The following DLG2 variants were observed in gnomAD, a reference collection of about 807,000 sequenced individuals.
The protein encoded by DLG2 is disks large homolog 2.
DLG2 carries 45 observed loss-of-function variants against 132.5 expected under a neutral mutation model. The ratio of observed to expected loss-of-function variants is 0.34; its 90% CI spans 0.27 to 0.44. The LOEUF (loss-of-function observed/expected upper bound fraction) is 0.44, where lower values mean the gene tolerates loss of function less well. Ranked by LOEUF, DLG2 falls within the 20% of genes least tolerant of loss-of-function variation. The probability of loss-of-function intolerance (pLI) is 1.00; values close to 1 mark genes in which losing one functional copy is unlikely to be tolerated. For synonymous variants in DLG2, 424 were observed against 419.6 expected (o/e 1.01, Z -0.13); for missense variants, 1,045 against 1,196.9 (o/e 0.87, Z 1.87).
At chr11:84,943,982 CTTCATGTTTGAAGGA>C (rs1453610266) in intron 6 of DLG2, among the ~76,000 whole-genome samples, 1 of 151,966 alleles carries the variant, frequency 6.6e-6, no homozygotes, top group African/African-American at 2.4e-5. Flanking sequence ...TTCATTTCTC[CTTCATGTTTGAAGGA>C]TATTTTCACT....
intron 18 of DLG2, among the ~76,000 whole-genome samples, chr11:83,774,118 G>C (rs1349532787): frequency 6.6e-6 from 1 of 152,122 alleles, no homozygotes; most frequent in Non-Finnish European, 1.5e-5. Context: ...CCCTCTGCCA[G>C]ACCCCAGGAC....
At chr11:83,936,730 G>A (rs1225372573) in intron 14 of DLG2, among the ~76,000 whole-genome samples, 2 of 152,128 alleles carry the variant, frequency 1.3e-5, no homozygotes, top group Non-Finnish European at 2.9e-5. Flanking sequence ...ACAAAATTAG[G>A]CTCTCTCACG....
chr11:84,129,371 C>T (rs35725178), intron 9 of DLG2, among the ~76,000 whole-genome samples: 1 of 152,022 alleles, frequency 6.6e-6, no homozygotes, highest in Non-Finnish European at 1.5e-5. Flanking sequence ...CTTGAATTTT[C>T]CAGGGTGATC....
chr11:83,510,623 G>A (rs2094957528), intron 21 of DLG2, among the ~76,000 whole-genome samples: 1 of 152,032 alleles, frequency 6.6e-6, no homozygotes, highest in South Asian at 2.1e-4. Context: ...GGAAGGGTGG[G>A]ATGAGAACAC....
chr11:84,521,091 A>C (rs1308956746), intron 7 of DLG2, among the ~76,000 whole-genome samples: 1 of 152,228 alleles, frequency 6.6e-6, no homozygotes, highest in Non-Finnish European at 1.5e-5. Context: ...ACAAATGGAC[A>C]GAAGAGTTAA....
chr11:84,717,696 A>C (rs1226003573), intron 6 of DLG2, among the ~76,000 whole-genome samples: 1 of 152,112 alleles, frequency 6.6e-6, no homozygotes, highest in Admixed American at 6.5e-5. Context: ...GAATTTATCA[A>C]GAGAACTATC....
At chr11:83,837,936 C>A (rs1356514443) in intron 16 of DLG2, among the ~76,000 whole-genome samples, 1 of 151,974 alleles carries the variant, frequency 6.6e-6, no homozygotes, top group Non-Finnish European at 1.5e-5. Flanking sequence ...AACGTAGAGG[C>A]CAACAGAATT....
At chr11:83,979,341 G>C (rs1240523921) in intron 12 of DLG2, among the ~76,000 whole-genome samples, 1 of 152,168 alleles carries the variant, frequency 6.6e-6, no homozygotes, top group Non-Finnish European at 1.5e-5. Flanking sequence ...AATTGTTGGA[G>C]ATAATGGCTC....
chr11:84,174,844 T>C (rs1052442098), intron 8 of DLG2, among the ~76,000 whole-genome samples: 2 of 152,212 alleles, frequency 1.3e-5, no homozygotes, highest in African/African-American at 4.8e-5. Flanking sequence ...GCAGCTACTA[T>C]TGCTACTACT....
At chr11:84,327,897 C>T (rs2098440324) in intron 7 of DLG2, among the ~76,000 whole-genome samples, 1 of 152,138 alleles carries the variant, frequency 6.6e-6, no homozygotes, top group South Asian at 2.1e-4. Context: ...ATGCTCTTGT[C>T]CAAAGCTTGC....
intron 3 of DLG2, among the ~76,000 whole-genome samples, chr11:85,324,957 T>C (rs2081347726): frequency 6.8e-6 from 1 of 147,314 alleles, no homozygotes; most frequent in Non-Finnish European, 1.5e-5. Flanking sequence ...TTGCCTCACC[T>C]GGGAAGCGCA....
At chr11:83,668,867 A>ATATATTTT (rs768513119) in intron 18 of DLG2, among the ~76,000 whole-genome samples, 3 of 110,378 alleles carry the variant, frequency 2.7e-5, no homozygotes, top group African/African-American at 1.1e-4. Context: ...ATATATATAT[A>ATATATTTT]TTTTTTTTTT....
chr11:84,361,077 A>G (rs1000804606), intron 7 of DLG2, among the ~76,000 whole-genome samples: 2 of 151,854 alleles, frequency 1.3e-5, no homozygotes, highest in Non-Finnish European at 2.9e-5. Flanking sequence ...TAAAACACAG[A>G]GATTTTAAAA....
chr11:84,637,869 CT>C (rs943434378), intron 6 of DLG2, among the ~76,000 whole-genome samples: 1 of 152,170 alleles, frequency 6.6e-6, no homozygotes, highest in African/African-American at 2.4e-5. Context: ...ACAAGATTTT[CT>C]AGCAGAACTC....
At chr11:83,970,044 CA>C (rs1194784152) in intron 12 of DLG2, among the ~76,000 whole-genome samples, 3 of 151,368 alleles carry the variant, frequency 2.0e-5, no homozygotes, top group African/African-American at 7.3e-5. Context: ...TGGCATAACA[CA>C]GGGGGAATGA....
intron 6 of DLG2, among the ~76,000 whole-genome samples, chr11:84,739,062 G>A (rs1189107746): frequency 1.3e-5 from 2 of 152,140 alleles, no homozygotes; most frequent in Non-Finnish European, 1.5e-5. Flanking sequence ...GGGATAAAAA[G>A]AGGCATGAGG....
At chr11:84,980,180 T>C (rs1427290550) in intron 6 of DLG2, among the ~76,000 whole-genome samples, 1 of 152,168 alleles carries the variant, frequency 6.6e-6, no homozygotes, top group Non-Finnish European at 1.5e-5. Context: ...AATAATGTAT[T>C]CCTAAAAATT....
intron 6 of DLG2, among the ~76,000 whole-genome samples, chr11:84,590,313 A>G (rs2099539706): frequency 6.6e-6 from 1 of 152,200 alleles, no homozygotes; most frequent in South Asian, 2.1e-4. Flanking sequence ...ATTCTTCTCC[A>G]AAGTCTTAGG....
intron 18 of DLG2, among the ~76,000 whole-genome samples, chr11:83,745,793 C>T (rs370787680): frequency 7.9e-5 from 12 of 151,326 alleles, no homozygotes; most frequent in East Asian, 7.8e-4. Flanking sequence ...CAGAGTGAGA[C>T]GCTGCCTTAA....
Sources: allele counts gnomAD v4.1 joint callset (sites outside exome capture counted in the v4.1 genomes callset), GRCh38; gene constraint gnomAD v4.1.1; transcripts MANE v1.5; gene names NCBI Gene and HGNC (gene_info 2026-07-23, HGNC 2026-07-21).